Variants in CTNNA3 observed in about 807,000 individuals in gnomAD.
CTNNA3 encodes catenin alpha 3, also known as catenin alpha-3.
CTNNA3 carries 76 observed loss-of-function variants against 95.7 expected under a neutral mutation model. The ratio of observed to expected loss-of-function variants is 0.79; its 90% CI spans 0.66 to 0.96. CTNNA3 has a LOEUF of 0.96. Among genes scored for constraint, CTNNA3 ranks in the 40% least tolerant of loss-of-function variants. CTNNA3 has a pLI of 0.00. For missense variants in CTNNA3, 1,191 were observed against 1,089.8 expected (o/e 1.09, Z -1.31); for synonymous variants, 431 against 374.4 (o/e 1.15, Z -1.74).
At chr10:66,523,300 G>C (rs1841133891) in intron 10 of CTNNA3, among the ~76,000 whole-genome samples, 1 of 152,148 alleles carries the variant, frequency 6.6e-6, no homozygotes, top group Non-Finnish European at 1.5e-5. Context: ...GAGATATGAA[G>C]TTATGAATAT....
intron 11 of CTNNA3, among the ~76,000 whole-genome samples, chr10:66,491,606 A>T (rs1482322368): frequency 6.6e-6 from 1 of 152,164 alleles, no homozygotes; most frequent in Non-Finnish European, 1.5e-5. Context: ...TTATTTCAGA[A>T]TCCTTTTGCC....
intron 7 of CTNNA3, among the ~76,000 whole-genome samples, chr10:67,022,491 A>C (rs1194712412): frequency 1.3e-5 from 2 of 152,128 alleles, no homozygotes; most frequent in Non-Finnish European, 2.9e-5. Flanking sequence ...ATAAAAATAA[A>C]ATTTTCAGAG....
chr10:66,780,975 T>G (rs902858311), intron 7 of CTNNA3, among the ~76,000 whole-genome samples: 2 of 151,864 alleles, frequency 1.3e-5, no homozygotes, highest in African/African-American at 4.8e-5. Flanking sequence ...CACAATTTCT[T>G]GCATAAACAG....
At chr10:66,299,173 G>A (rs903897210) in intron 12 of CTNNA3, among the ~76,000 whole-genome samples, 5 of 152,058 alleles carry the variant, frequency 3.3e-5, no homozygotes, top group African/African-American at 1.2e-4. Flanking sequence ...TTGATGTCTC[G>A]TATCTCACTA....
intron 13 of CTNNA3, among the ~76,000 whole-genome samples, chr10:66,217,721 T>C (rs1454266959): frequency 6.6e-6 from 1 of 152,214 alleles, no homozygotes. Context: ...ACTGCCATTT[T>C]CTCCCCCCAA....
intron 12 of CTNNA3, among the ~76,000 whole-genome samples, chr10:66,294,912 G>A (rs1344736417): frequency 6.7e-6 from 1 of 149,662 alleles, no homozygotes; most frequent in African/African-American, 2.5e-5. Flanking sequence ...GAGAGAGAGA[G>A]AGGGATTTGG....
intron 12 of CTNNA3, among the ~76,000 whole-genome samples, chr10:66,328,861 G>T (rs1564871013): frequency 7.1e-6 from 1 of 139,930 alleles, no homozygotes; most frequent in Admixed American, 7.6e-5. Flanking sequence ...AAGCAGTGAA[G>T]CAGGAAAAAG....
chr10:67,105,235 T>TGATAGATAGATA (rs56678810), intron 7 of CTNNA3, among the ~76,000 whole-genome samples: 12,524 of 150,546 alleles, frequency 0.083, 670 homozygotes, highest in African/African-American at 0.15. Flanking sequence ...ACATATTAAA[T>TGATAGATAGATA]GATAGATAGA....
At chr10:66,475,818 A>G (rs1363037206) in intron 11 of CTNNA3, among the ~76,000 whole-genome samples, 2 of 151,954 alleles carry the variant, frequency 1.3e-5, no homozygotes, top group African/African-American at 4.8e-5. Context: ...TTCCTCAGAG[A>G]CCTAGGACAA....
At chr10:66,982,021 C>T (rs889496077) in intron 7 of CTNNA3, among the ~76,000 whole-genome samples, 3 of 152,164 alleles carry the variant, frequency 2.0e-5, no homozygotes, top group Non-Finnish European at 2.9e-5. Context: ...TATGAGAACA[C>T]TTCCCTCACC....
intron 11 of CTNNA3, among the ~76,000 whole-genome samples, chr10:66,447,927 T>G (rs1393533786): frequency 6.6e-6 from 1 of 152,146 alleles, no homozygotes; most frequent in African/African-American, 2.4e-5. Flanking sequence ...AACCTACTCA[T>G]CTGACAAAGG....
chr10:67,072,289 T>C (rs1458953383), intron 7 of CTNNA3, among the ~76,000 whole-genome samples: 2 of 152,180 alleles, frequency 1.3e-5, no homozygotes, highest in African/African-American at 2.4e-5. Flanking sequence ...ACTTCTCCAA[T>C]CGAATTTTCT....
chr10:67,062,389 T>C (rs1855811419), intron 7 of CTNNA3, among the ~76,000 whole-genome samples: 2 of 152,314 alleles, frequency 1.3e-5, no homozygotes, highest in Middle Eastern at 3.4e-3. Context: ...TTAAAATTAG[T>C]GGTGCTAAAT....
rs570868454 is a variant in CTNNA3 at position 66,276,843 on chromosome 10, T to C, written c.1884+3627A>G. ...AGCCTATTGTTTATTAAGCATTTCATTTCTATTAACTCATGTAAGCATAAT... is the reference window on the plus strand; with the variant it reads ...AGCCTATTGTTTATTAAGCATTTCACTTCTATTAACTCATGTAAGCATAAT... On this transcript the variant is annotated intron_variant, in intron 13 of 17. Transcript: ENST00000433211. 2.0e-5 allele frequency among the ~76,000 whole-genome samples: 3 copies of C among 152,230 alleles called. No individual in the cohort carries two copies. The South Asian group carries it at 6.2e-4, about 32-fold the overall frequency.
intron 5 of CTNNA3, among the ~76,000 whole-genome samples, chr10:67,351,043 GATAA>G (rs1434759794): frequency 1.3e-5 from 2 of 151,642 alleles, no homozygotes; most frequent in East Asian, 1.9e-4. Context: ...CAACAATAAA[GATAA>G]ATAAACTATT....
intron 5 of CTNNA3, among the ~76,000 whole-genome samples, chr10:67,290,816 A>G (rs559456167): frequency 8.5e-5 from 13 of 152,328 alleles, no homozygotes; most frequent in Admixed American, 7.2e-4. Context: ...GCACTCTGAT[A>G]TATCTCCAAG....
intron 13 of CTNNA3, among the ~76,000 whole-genome samples, chr10:66,131,066 C>CAAAA (rs571726484): frequency 1.8e-5 from 2 of 113,766 alleles, no homozygotes; most frequent in African/African-American, 6.3e-5. Context: ...AATTGCCTAC[C>CAAAA]AAAAAAAAAA....
chr10:67,232,923 C>T (rs1865287050), intron 5 of CTNNA3, among the ~76,000 whole-genome samples: 1 of 152,144 alleles, frequency 6.6e-6, no homozygotes, highest in African/African-American at 2.4e-5. Flanking sequence ...AAGGCCATTA[C>T]ATAACGGTAA....
chr10:67,747,029 T>C (rs1446608992), intron 1 of CTNNA3, among the ~76,000 whole-genome samples: 2 of 152,132 alleles, frequency 1.3e-5, no homozygotes, highest in African/African-American at 4.8e-5. Flanking sequence ...CCAGATTGCC[T>C]CTTTAGGCCA....
Sources: allele counts gnomAD v4.1 joint callset (sites outside exome capture counted in the v4.1 genomes callset), GRCh38; gene constraint gnomAD v4.1.1; transcripts MANE v1.5; gene names NCBI Gene and HGNC (gene_info 2026-07-23, HGNC 2026-07-21).